PCDHGA5: variants seen among roughly 807,000 people sequenced by gnomAD.
The protein encoded by PCDHGA5 is protocadherin gamma subfamily A, 5.
A neutral mutation model predicts 56.7 loss-of-function variants in PCDHGA5; 36 were observed. The observed-to-expected ratio is 0.64, with a 90% CI of 0.49 to 0.84. The LOEUF (loss-of-function observed/expected upper bound fraction) is 0.84, where lower values mean the gene tolerates loss of function less well. PCDHGA5 is among the 40% of genes least tolerant of loss of function. PCDHGA5 has a pLI of 0.00. For missense variants in PCDHGA5, 1,305 were observed against 1,201.5 expected (o/e 1.09, Z -1.27); for synonymous variants, 563 against 520.2 (o/e 1.08, Z -1.12).
intron 1 of PCDHGA5, among the ~76,000 whole-genome samples, chr5:141,449,848 T>C (rs7713034): frequency 0.29 from 44,283 of 151,474 alleles, 7,514 homozygotes; most frequent in African/African-American, 0.48. Flanking sequence ...AATTAAATTT[T>C]AATAATAAAA....
At chr5:141,422,929 C>A (rs752323344) in intron 1 of PCDHGA5, 8 of 1,614,260 alleles carry the variant, frequency 5.0e-6, no homozygotes, top group Middle Eastern at 3.3e-4. Flanking sequence ...GTACCCTGCC[C>A]TCCCCACAGA....
intron 1 of PCDHGA5, chr5:141,375,974 G>T: frequency 6.2e-7 from 1 of 1,613,354 alleles, no homozygotes; most frequent in Non-Finnish European, 8.5e-7. Context: ...CACGGCGCGC[G>T]CCCTGCTGGA....
chr5:141,433,595 G>C (rs2097629585), intron 1 of PCDHGA5, among the ~76,000 whole-genome samples: 1 of 152,070 alleles, frequency 6.6e-6, no homozygotes, highest in South Asian at 2.1e-4. Context: ...CAGTACTTTG[G>C]GAGGCCGAGG....
At chr5:141,418,908 C>A in intron 1 of PCDHGA5, 1 of 1,613,932 alleles carries the variant, frequency 6.2e-7, no homozygotes, top group South Asian at 1.1e-5. Flanking sequence ...ATAATCATCA[C>A]GTCACTCTCT....
At chr5:141,438,985 A>G (rs1461265086) in intron 1 of PCDHGA5, among the ~76,000 whole-genome samples, 1 of 151,940 alleles carries the variant, frequency 6.6e-6, no homozygotes, top group Non-Finnish European at 1.5e-5. Context: ...ACTTATCTTA[A>G]AAGGCTAAGG....
At chr5:141,375,775 C>A (rs1425476236) in intron 1 of PCDHGA5, 2 of 1,614,240 alleles carry the variant, frequency 1.2e-6, no homozygotes, top group East Asian at 2.2e-5. Flanking sequence ...AGATCCTGTA[C>A]CCCGCCCTCC....
chr5:141,405,215 C>T, intron 1 of PCDHGA5: 1 of 1,614,078 alleles, frequency 6.2e-7, no homozygotes, highest in Non-Finnish European at 8.5e-7. Flanking sequence ...GACCTATTCT[C>T]AGGAGTTCTC....
chr5:141,421,953 G>A lies in PCDHGA5; in HGVS notation c.2421+55202G>A, dbSNP rs193141134. On this transcript the variant is annotated intron_variant, in intron 1 of 3. Coordinates refer to ENST00000518069, the MANE Select transcript of PCDHGA5 (RefSeq NM_018918.3). ...TCGATGTAAATGATCACATCCCAATGTTTACACAGTCCGTATATCGCGTGA... is the reference window on the plus strand; with the variant it reads ...TCGATGTAAATGATCACATCCCAATATTTACACAGTCCGTATATCGCGTGA... 1.8e-4 allele frequency: 295 copies of A among 1,612,962 alleles called. 5 individuals are homozygous for A. In the East Asian group the frequency reaches 4.0e-3, roughly 22 times the overall value.
chr5:141,498,565 G>C (rs2099784348), intron 2 of PCDHGA5, among the ~76,000 whole-genome samples: 1 of 152,044 alleles, frequency 6.6e-6, no homozygotes. Context: ...CTTCAAAGCA[G>C]GGCTAGTATT....
chr5:141,399,002 C>A (rs1415503184), intron 1 of PCDHGA5: 2 of 1,613,830 alleles, frequency 1.2e-6, no homozygotes, highest in South Asian at 2.2e-5. Flanking sequence ...AGTCTGAATT[C>A]AAAGAGCGGA....
At chr5:141,371,758 C>T (rs2149991096) in intron 1 of PCDHGA5, 2 of 1,614,030 alleles carry the variant, frequency 1.2e-6, no homozygotes, top group Non-Finnish European at 8.5e-7. Flanking sequence ...TTCCACCAGG[C>T]CTCCTACACC....
chr5:141,494,100 G>A (rs559145191), intron 1 of PCDHGA5, among the ~76,000 whole-genome samples: 7 of 152,270 alleles, frequency 4.6e-5, no homozygotes, highest in South Asian at 2.1e-4. Flanking sequence ...ATTTTTCTCC[G>A]TCTCAGACAG....
chr5:141,391,135 C>T (rs1481057033), intron 1 of PCDHGA5: 2 of 152,104 alleles, frequency 1.3e-5, no homozygotes, highest in Non-Finnish European at 2.9e-5. Flanking sequence ...AATCATTCTC[C>T]TACCTCTAGG....
At chr5:141,507,178 G>A (rs548016031) in intron 3 of PCDHGA5, 4 of 152,350 alleles carry the variant, frequency 2.6e-5, no homozygotes, top group East Asian at 3.9e-4. Flanking sequence ...CCTCTTCCTC[G>A]AGCTCTGCTT....
rs1363008017 is a variant in PCDHGA5, at chr5:141,413,215, T to A, written c.2421+46464T>A. ...GAATCGCTCAAAGGAATCAAAGGATTGCAGCGGGCTGGTCCTGCTCTGCCT... is the reference window on the plus strand; with the variant it reads ...GAATCGCTCAAAGGAATCAAAGGATAGCAGCGGGCTGGTCCTGCTCTGCCT... On this transcript the variant is annotated intron_variant, in intron 1 of 3. Coordinates refer to ENST00000518069, the MANE Select transcript of PCDHGA5 (RefSeq NM_018918.3). 6 of 1,613,232 alleles carry A rather than the reference T, an allele frequency of 3.7e-6. No individual in the cohort carries two copies. The African/African-American group carries it at 8.0e-5, about 22-fold the overall frequency.
At chr5:141,427,650 G>C (rs1352503291) in intron 1 of PCDHGA5, 1 of 718,312 alleles carries the variant, frequency 1.4e-6, no homozygotes. Flanking sequence ...AGTCTCCTAC[G>C]TGGTCCACGT....
intron 1 of PCDHGA5, chr5:141,415,040 CG>C (rs878992043): frequency 6.2e-7 from 1 of 1,613,520 alleles, no homozygotes; most frequent in East Asian, 2.2e-5. Flanking sequence ...GGACTCTTCG[CG>C]GTGGGGGAGC....
At chr5:141,380,632 T>C (rs546554559) in intron 1 of PCDHGA5, among the ~76,000 whole-genome samples, 5 of 152,324 alleles carry the variant, frequency 3.3e-5, no homozygotes, top group Non-Finnish European at 7.3e-5. Flanking sequence ...ACTTAGAAAA[T>C]GTGAATGCTA....
At chr5:141,414,083 G>C (rs964114178) in intron 1 of PCDHGA5, 1 of 1,601,124 alleles carries the variant, frequency 6.2e-7, no homozygotes, top group Non-Finnish European at 8.5e-7. Context: ...AAATATACTG[G>C]AGAAATAAAA....
Sources: allele counts gnomAD v4.1 joint callset (sites outside exome capture counted in the v4.1 genomes callset), GRCh38; gene constraint gnomAD v4.1.1; transcripts MANE v1.5; gene names NCBI Gene and HGNC (gene_info 2026-07-23, HGNC 2026-07-21).